TASP1: variants seen among roughly 807,000 people sequenced by gnomAD.
TASP1 encodes taspase 1.
Under a neutral mutation model 56.6 loss-of-function variants are expected in TASP1, and 16 were observed. That is an observed-to-expected ratio of 0.28 (90% CI 0.19 to 0.43). The LOEUF (loss-of-function observed/expected upper bound fraction) is 0.43, where lower values mean the gene tolerates loss of function less well. Ranked by LOEUF, TASP1 falls within the 20% of genes least tolerant of loss-of-function variation. The pLI, the probability that TASP1 is intolerant of heterozygous loss-of-function variation, is 1.00. For missense variants in TASP1, 393 were observed against 511.6 expected (o/e 0.77, Z 2.24); for synonymous variants, 179 against 184.2 (o/e 0.97, Z 0.23).
downstream of TASP1, among the ~76,000 whole-genome samples, chr20:13,387,406 G>C (rs1395793820): frequency 1.3e-5 from 2 of 151,948 alleles, no homozygotes; most frequent in Non-Finnish European, 2.9e-5. Context: ...ATGTTGGCCA[G>C]GCCAACTCCT....
intron 8 of TASP1, among the ~76,000 whole-genome samples, chr20:13,558,299 G>T (rs1220823208): frequency 6.6e-6 from 1 of 152,108 alleles, no homozygotes; most frequent in Non-Finnish European, 1.5e-5. Flanking sequence ...GGCTGAGCAA[G>T]AATGTTGTAG....
the TASP1 span, among the ~76,000 whole-genome samples, chr20:13,277,970 A>G: frequency 6.6e-6 from 1 of 152,206 alleles, no homozygotes; most frequent in South Asian, 2.1e-4. Context: ...TATTTGTCTC[A>G]GGGATGGGCA....
At chr20:13,306,564 C>CAAAAAAAAAAACAAAA in the TASP1 span, among the ~76,000 whole-genome samples, 1 of 63,916 alleles carries the variant, frequency 1.6e-5, no homozygotes, top group Non-Finnish European at 2.6e-5. Flanking sequence ...GGAGAAAGGA[C>CAAAAAAAAAAACAAAA]AAAAAAAAAA....
the TASP1 span, among the ~76,000 whole-genome samples, chr20:13,251,828 C>T: frequency 9.1e-4 from 138 of 152,224 alleles, no homozygotes; most frequent in African/African-American, 3.2e-3. Flanking sequence ...GGAGGGTGAG[C>T]ACTTAGAACT....
chr20:13,367,969 CTGAT>C, the TASP1 span, among the ~76,000 whole-genome samples: 3 of 152,220 alleles, frequency 2.0e-5, no homozygotes, highest in African/African-American at 7.2e-5. Context: ...CAAATGGCCA[CTGAT>C]TGACCCCCAA....
the TASP1 span, among the ~76,000 whole-genome samples, chr20:13,113,396 T>TA: frequency 6.6e-6 from 1 of 152,052 alleles, no homozygotes; most frequent in Admixed American, 6.6e-5. Context: ...CACCCCCACA[T>TA]ACATCAGCAC....
chr20:13,247,520 GTGTGTGT>G, the TASP1 span, among the ~76,000 whole-genome samples: 4 of 85,356 alleles, frequency 4.7e-5, no homozygotes, highest in East Asian at 6.1e-4. Context: ...AGTGAGGGGT[GTGTGTGT>G]GTGTGTGTGT....
chr20:13,400,614 CAG>C (rs2041700969), intron 13 of TASP1, among the ~76,000 whole-genome samples: 1 of 152,160 alleles, frequency 6.6e-6, no homozygotes, highest in Non-Finnish European at 1.5e-5. Context: ...AACATTGCAG[CAG>C]ACAGTGCAGT....
chr20:13,398,491 C>T (rs560621210), intron 13 of TASP1, among the ~76,000 whole-genome samples: 1 of 152,180 alleles, frequency 6.6e-6, no homozygotes, highest in African/African-American at 2.4e-5. Flanking sequence ...AAGGTTCAGA[C>T]ATCCTGCATT....
the TASP1 span, among the ~76,000 whole-genome samples, chr20:13,220,379 ACTGCAAGGCAT>A: frequency 6.6e-6 from 1 of 152,158 alleles, no homozygotes. Flanking sequence ...CCAACCGCCC[ACTGCAAGGCAT>A]GAGCCGCACG....
chr20:13,272,007 G>A, the TASP1 span, among the ~76,000 whole-genome samples: 3 of 152,086 alleles, frequency 2.0e-5, no homozygotes, highest in Admixed American at 1.3e-4. Context: ...TCAAACTCCT[G>A]GGCTCAAGCG....
At chr20:13,559,903 C>A (rs777806964) in intron 7 of TASP1, among the ~76,000 whole-genome samples, 1 of 152,014 alleles carries the variant, frequency 6.6e-6, no homozygotes, top group African/African-American at 2.4e-5. Context: ...GAATAAAAGC[C>A]AGCCGAATAT....
At chr20:13,475,714 G>A (rs2044701214) in intron 11 of TASP1, among the ~76,000 whole-genome samples, 1 of 152,036 alleles carries the variant, frequency 6.6e-6, no homozygotes, top group Non-Finnish European at 1.5e-5. Context: ...GGCCAACATG[G>A]TGAAACCCCA....
At chr20:13,112,978 T>A in the TASP1 span, among the ~76,000 whole-genome samples, 1 of 152,082 alleles carries the variant, frequency 6.6e-6, no homozygotes, top group South Asian at 2.1e-4. Context: ...AGGTTAGGAG[T>A]TCGAGACCAG....
chr20:13,171,751 T>C, the TASP1 span, among the ~76,000 whole-genome samples: 1 of 152,252 alleles, frequency 6.6e-6, no homozygotes, highest in South Asian at 2.1e-4. Context: ...AGATTACCAG[T>C]TATTTGATGA....
the TASP1 span, among the ~76,000 whole-genome samples, chr20:13,174,624 G>T: frequency 6.6e-6 from 1 of 151,844 alleles, no homozygotes; most frequent in Admixed American, 6.6e-5. Flanking sequence ...ACTTGAGCCT[G>T]GGAAGTCGAA....
intron 10 of TASP1, among the ~76,000 whole-genome samples, chr20:13,496,032 C>G (rs1350614750): frequency 6.6e-6 from 1 of 151,970 alleles, no homozygotes; most frequent in Non-Finnish European, 1.5e-5. Context: ...AACCTGTAGG[C>G]TAAGGTTTCA....
intron 4 of TASP1, among the ~76,000 whole-genome samples, chr20:13,597,948 T>C (rs2047805378): frequency 6.6e-6 from 1 of 151,996 alleles, no homozygotes; most frequent in Non-Finnish European, 1.5e-5. Flanking sequence ...ACAAAGAGAA[T>C]AAAATACCTA....
chr20:13,599,164 G>A (rs913992043), intron 4 of TASP1, among the ~76,000 whole-genome samples: 8 of 152,086 alleles, frequency 5.3e-5, no homozygotes, highest in African/African-American at 1.4e-4. Context: ...TTGACCCAGC[G>A]ATCCCATTAC....
Sources: allele counts gnomAD v4.1 joint callset (sites outside exome capture counted in the v4.1 genomes callset), GRCh38; gene constraint gnomAD v4.1.1; transcripts MANE v1.5; gene names NCBI Gene and HGNC (gene_info 2026-07-23, HGNC 2026-07-21).